Variants in SHISA9 observed in about 807,000 individuals in gnomAD.
The protein encoded by SHISA9 is protein shisa-9.
SHISA9 carries 13 observed loss-of-function variants against 38.0 expected under a neutral mutation model. The ratio of observed to expected loss-of-function variants is 0.34; its 90% CI spans 0.22 to 0.54. The LOEUF (loss-of-function observed/expected upper bound fraction) is 0.54. Among genes scored for constraint, SHISA9 ranks in the 20% least tolerant of loss-of-function variants. SHISA9 has a pLI of 0.91. For synonymous variants in SHISA9, 275 were observed against 242.0 expected (o/e 1.14, Z -1.27); for missense variants, 538 against 575.8 (o/e 0.93, Z 0.67).
At chr16:13,347,735 C>A in the SHISA9 span, among the ~76,000 whole-genome samples, 2 of 152,146 alleles carry the variant, frequency 1.3e-5, no homozygotes, top group Non-Finnish European at 1.5e-5. Context: ...TGTCTTCATT[C>A]TCCTGCAGAA....
chr16:12,964,706 A>C (rs1351296199), intron 2 of SHISA9, among the ~76,000 whole-genome samples: 2 of 152,182 alleles, frequency 1.3e-5, no homozygotes, highest in East Asian at 3.8e-4. Flanking sequence ...GAGCAGATCA[A>C]CACAATTCAA....
At chr16:13,273,168 C>G in the SHISA9 span, among the ~76,000 whole-genome samples, 1 of 152,096 alleles carries the variant, frequency 6.6e-6, no homozygotes, top group African/African-American at 2.4e-5. Flanking sequence ...ATTAAGGACC[C>G]AGTTTTCAAC....
the SHISA9 span, among the ~76,000 whole-genome samples, chr16:13,432,553 TAA>T: frequency 6.6e-6 from 1 of 152,366 alleles, no homozygotes; most frequent in East Asian, 1.9e-4. Context: ...AACCCAAATT[TAA>T]CAGTATATTT....
At chr16:13,349,048 T>C in the SHISA9 span, among the ~76,000 whole-genome samples, 4 of 152,220 alleles carry the variant, frequency 2.6e-5, no homozygotes, top group African/African-American at 9.6e-5. Context: ...GTGTCTGTTC[T>C]GTTCTCTAGC....
intron 2 of SHISA9, among the ~76,000 whole-genome samples, chr16:13,044,331 C>T (rs1000105309): frequency 6.6e-6 from 1 of 152,222 alleles, no homozygotes; most frequent in Non-Finnish European, 1.5e-5. Flanking sequence ...TTTAGAAAGA[C>T]ATCAGTTTGG....
rs1176140957 is a variant in SHISA9, at chr16:12,923,841, CA to C, written c.691+7038del. On this transcript the variant is annotated intron_variant, in intron 2 of 4. Transcript: ENST00000558583. ...GGGCAACAGAGCAAGACTCCATCTC[CA>C]AAAAAAAAAAATTAGAGGAGTTATC... is the stretch of plus-strand genomic sequence containing the variant. Among the ~76,000 whole-genome samples, 951 of 139,580 alleles carry C rather than the reference CA, an allele frequency of 6.8e-3. 10 individuals are homozygous for C. The highest frequency in any genetic ancestry group is 0.01 in the Non-Finnish European group (666 of 64,216). 91.6% of individuals were successfully genotyped at this position (139,580 alleles called of 152,430 possible).
At chr16:13,333,595 G>A in the SHISA9 span, among the ~76,000 whole-genome samples, 5 of 152,134 alleles carry the variant, frequency 3.3e-5, no homozygotes, top group Admixed American at 6.5e-5. Context: ...TCATGTTTTC[G>A]AAGGGATAAA....
At chr16:12,951,987 A>G (rs781771389) in intron 2 of SHISA9, among the ~76,000 whole-genome samples, 15 of 152,244 alleles carry the variant, frequency 9.9e-5, no homozygotes, top group Non-Finnish European at 2.1e-4. Context: ...GCTACTTGGT[A>G]TTCTGCAGGT....
the SHISA9 span, among the ~76,000 whole-genome samples, chr16:13,317,551 A>C: frequency 6.6e-6 from 1 of 152,132 alleles, no homozygotes; most frequent in African/African-American, 2.4e-5. Flanking sequence ...TGCTGCACCC[A>C]TTCATTCAAA....
At chr16:13,254,887 A>C in the SHISA9 span, among the ~76,000 whole-genome samples, 21 of 152,226 alleles carry the variant, frequency 1.4e-4, no homozygotes, top group Admixed American at 5.2e-4. Flanking sequence ...GTAATGGATC[A>C]GTAGATTAAT....
At chr16:12,940,840 T>A (rs1032523751) in intron 2 of SHISA9, among the ~76,000 whole-genome samples, 2 of 152,196 alleles carry the variant, frequency 1.3e-5, no homozygotes, top group African/African-American at 4.8e-5. Flanking sequence ...TACTATCCAG[T>A]TACTTAGATC....
intron 2 of SHISA9, among the ~76,000 whole-genome samples, chr16:13,128,500 G>C (rs2050279898): frequency 6.6e-6 from 1 of 152,036 alleles, no homozygotes. Flanking sequence ...TCTGGCTTGT[G>C]GAGTAAAGAC....
chr16:13,141,564 G>T (rs2050402005), intron 2 of SHISA9, among the ~76,000 whole-genome samples: 1 of 151,912 alleles, frequency 6.6e-6, no homozygotes, highest in African/African-American at 2.4e-5. Context: ...CGTGCCTGTA[G>T]TCCCAGCTAC....
rs71147792 is a variant in SHISA9 at position 13,238,815 on chromosome 16, TTTATTATTATTATTATTA to T, written c.*3426_*3443del. On this transcript the variant is annotated 3_prime_UTR_variant, in exon 5 of 5. Coordinates refer to ENST00000558583, the MANE Select transcript of SHISA9 (RefSeq NM_001145204.3). The stretch of plus-strand genomic sequence containing the variant: ...TTTTTTTTAATGTATCCATGGAGTA[TTTATTATTATTATTATTA>T]TTATTATTATTATTATTATACTTTA... 7.3e-6 allele frequency: 1 copy of T among 136,148 alleles called. No homozygotes were observed. Among genetic ancestry groups the T allele is most frequent in the Non-Finnish European group, 1.6e-5 (1 of 63,872 alleles). 8.4% of individuals were successfully genotyped at this position (136,148 alleles called of 1,614,324 possible).
intron 2 of SHISA9, among the ~76,000 whole-genome samples, chr16:13,169,369 A>G (rs1223095945): frequency 6.6e-6 from 1 of 152,216 alleles, no homozygotes; most frequent in Non-Finnish European, 1.5e-5. Flanking sequence ...GCTGGGTCAG[A>G]ATGCCAGGAA....
intron 2 of SHISA9, among the ~76,000 whole-genome samples, chr16:13,199,041 C>A (rs1461824883): frequency 3.9e-5 from 6 of 152,022 alleles, no homozygotes. Context: ...AAAGTGTGTC[C>A]CAACATATTC....
intron 2 of SHISA9, among the ~76,000 whole-genome samples, chr16:12,984,611 A>C (rs2072282970): frequency 6.6e-6 from 1 of 152,150 alleles, no homozygotes; most frequent in African/African-American, 2.4e-5. Flanking sequence ...TTTTCTCCCC[A>C]GACAGGAGGG....
At chr16:12,919,051 A>G (rs2071294558) in intron 2 of SHISA9, among the ~76,000 whole-genome samples, 1 of 152,222 alleles carries the variant, frequency 6.6e-6, no homozygotes, top group African/African-American at 2.4e-5. Flanking sequence ...ATAGATACAG[A>G]AAAACATTTG....
At chr16:13,215,363 T>C (rs1443840131) in intron 4 of SHISA9, among the ~76,000 whole-genome samples, 1 of 152,216 alleles carries the variant, frequency 6.6e-6, no homozygotes, top group African/African-American at 2.4e-5. Context: ...CATCAGTGTA[T>C]TTAATGAGAA....
Sources: allele counts gnomAD v4.1 joint callset (sites outside exome capture counted in the v4.1 genomes callset), GRCh38; gene constraint gnomAD v4.1.1; transcripts MANE v1.5; gene names NCBI Gene and HGNC (gene_info 2026-07-23, HGNC 2026-07-21).